Variants in LEMD2 observed in about 807,000 individuals in gnomAD.
The protein encoded by LEMD2 is LEM domain nuclear envelope protein 2, also known as LEM domain-containing protein 2.
In LEMD2, 34 loss-of-function variants were observed where a neutral mutation model predicts 58.8. The observed-to-expected ratio is 0.58, with a 90% CI of 0.44 to 0.77. LEMD2 has a LOEUF of 0.77. Ranked by LOEUF, LEMD2 falls within the 30% of genes least tolerant of loss-of-function variation. LEMD2 has a pLI of 0.00. For missense variants in LEMD2, 629 were observed against 717.9 expected (o/e 0.88, Z 1.42); for synonymous variants, 298 against 308.9 (o/e 0.96, Z 0.37).
chr6:33,788,639 GGGCCGCGAGACCCGGGCCCTGCGT>G lies in LEMD2; in HGVS notation c.454_477del (p.Thr152_Ala159del), dbSNP rs1767743074. 1 of 1,274,256 alleles carries G rather than the reference GGGCCGCGAGACCCGGGCCCTGCGT, an allele frequency of 7.8e-7. No individual in the cohort carries two copies. 78.9% of individuals were successfully genotyped at this position (1,274,256 alleles called of 1,614,324 possible). On this transcript the variant is annotated inframe_deletion, in exon 1 of 9. Coordinates refer to ENST00000293760, the MANE Select transcript of LEMD2 (RefSeq NM_181336.4). ...GCGGGAGACGCTGCCCACCAGCGGC[GGGCCGCGAGACCCGGGCCCTGCGT>G]GGCCCTGTCGGGCGTCCGGGCGTCC...
chr6:33,785,417 T>C (rs1187703471), intron 2 of LEMD2, among the ~76,000 whole-genome samples: 2 of 152,192 alleles, frequency 1.3e-5, no homozygotes, highest in African/African-American at 4.8e-5. Context: ...TGGCAGGTGC[T>C]GAATGCCGTC....
rs1296553385 is a variant in LEMD2 at position 33,777,003 on chromosome 6, A to G, written c.1312T>C (p.Tyr438His). The G allele has an allele frequency of 1.2e-6, 2 of 1,614,164 alleles. No individual in the cohort carries two copies. Among genetic ancestry groups the G allele is most frequent in the Non-Finnish European group, 1.7e-6 (2 of 1,180,024 alleles). ...DWEQDMERYP[Y>H]VGILHVRDSL... The stretch of plus-strand genomic sequence containing the variant: ...TCGCGCACGTGCAGGATGCCTACAT[A>G]TGGATAGCGCTCCATGTCCTGCTCC... Residue 438 changes from tyrosine to histidine, a missense_variant, in exon 8 of 9, where the codon TAT becomes CAT. Transcript: ENST00000293760.
At chr6:33,780,994 A>G (rs923052017) in intron 4 of LEMD2, 83 bp downstream of exon 4, 1 of 954,496 alleles carries the variant, frequency 1.0e-6, no homozygotes, top group Non-Finnish European at 1.6e-6. Context: ...CAAACAAAAA[A>G]CAAAAACCCC....
chr6:33,777,632 G>T (rs1767465381), intron 6 of LEMD2, among the ~76,000 whole-genome samples: 1 of 152,178 alleles, frequency 6.6e-6, no homozygotes, highest in African/African-American at 2.4e-5. Context: ...TGGCACAGGG[G>T]AGGGAGCTGT....
In LEMD2 at chr6:33,772,310, G is replaced by A. The variant is rs1280354260; in HGVS notation, c.*318C>T. 1.9e-5 allele frequency: 4 copies of A among 210,252 alleles called. No individual in the cohort carries two copies. Among genetic ancestry groups the A allele is most frequent in the East Asian group, 1.3e-4 (1 of 7,846 alleles). 13.0% of individuals were successfully genotyped at this position (210,252 alleles called of 1,614,324 possible). On this transcript the variant is annotated 3_prime_UTR_variant, in exon 9 of 9. Coordinates refer to ENST00000293760, the MANE Select transcript of LEMD2 (RefSeq NM_181336.4). ...CCATGCCCCAGCCCACCAGCCCCAC[G>A]CTTGTCAGCTGGGCCTGACAGCTGC...
At chr6:33,777,302 A>T in intron 6 of LEMD2, 63 bp from the exon 7 acceptor site, 1 of 1,102,866 alleles carries the variant, frequency 9.1e-7, no homozygotes, top group East Asian at 2.3e-5. Flanking sequence ...CTCACCATGG[A>T]CAAGATGCTG....
chr6:33,772,555 T>G lies in LEMD2; in HGVS notation c.*73A>C, dbSNP rs1582248433. On this transcript the variant is annotated 3_prime_UTR_variant, in exon 9 of 9. Coordinates refer to ENST00000293760, the MANE Select transcript of LEMD2 (RefSeq NM_181336.4). ...AAGTGTGAATTCAGCACCGCAGGCC[T>G]GGTGACCCTCCTGTGCCTCTGGAGT... 2.1e-6 allele frequency: 3 copies of G among 1,450,064 alleles called. No individual in the cohort carries two copies. The highest frequency in any genetic ancestry group is 1.8e-4 in the Middle Eastern group (1 of 5,566). 89.8% of individuals were successfully genotyped at this position (1,450,064 alleles called of 1,614,324 possible). A position where few individuals can be genotyped will look rare whatever the true frequency, so the allele number is the denominator to read the frequency against.
Position 33,772,270 on chromosome 6 carries a change from G to C in LEMD2, c.*358C>G, listed in dbSNP as rs574111182. 2.2e-5 allele frequency: 4 copies of C among 178,124 alleles called. No individual in the cohort carries two copies. In the South Asian group the frequency reaches 6.0e-4, roughly 27 times the overall value. 11.0% of individuals were successfully genotyped at this position (178,124 alleles called of 1,614,324 possible). ...TCCCTGCCCCACCTCCCAGGTGACAGACTCCCTGGCGTGGCCATGCCCCAG... is the reference window on the plus strand; with the variant it reads ...TCCCTGCCCCACCTCCCAGGTGACACACTCCCTGGCGTGGCCATGCCCCAG... On this transcript the variant is annotated 3_prime_UTR_variant, in exon 9 of 9. Transcript: ENST00000293760.
chr6:33,777,337 C>G lies in LEMD2; in HGVS notation c.1157-98G>C, dbSNP rs1249949493. On this transcript the variant is annotated intron_variant, in intron 6 of 8. Coordinates refer to ENST00000293760, the MANE Select transcript of LEMD2 (RefSeq NM_181336.4). ...GTGATGGATGCTGTGGGGGATCCACCACATGGGTTTGGGTACCTACTATGT... is the reference window on the plus strand; with the variant it reads ...GTGATGGATGCTGTGGGGGATCCACGACATGGGTTTGGGTACCTACTATGT... The G allele has an allele frequency of 3.4e-6, 3 of 876,810 alleles. No individual in the cohort carries two copies. In the African/African-American group the frequency reaches 4.9e-5, roughly 14 times the overall value. 54.3% of individuals were successfully genotyped at this position (876,810 alleles called of 1,614,324 possible).
chr6:33,788,163 AAGG>A (rs1380399893), intron 1 of LEMD2, among the ~76,000 whole-genome samples: 8 of 152,252 alleles, frequency 5.3e-5, no homozygotes, highest in East Asian at 1.9e-4. Context: ...TGGGGCAGAA[AAGG>A]AGAACAGGAG....
chr6:33,788,429 A>C lies in LEMD2; in HGVS notation c.688T>G (p.Trp230Gly), dbSNP rs965203969. The change falls in exon 1 of 9, where the codon TGG becomes GGG. Residue 230 changes from tryptophan (W) to glycine (G), a missense_variant. Transcript: ENST00000293760. The part of the protein sequence containing the change: ...GLLLVFLGIL[W>G]VKMGKPSAPQ... ...GCTGAGGGCTTGCCCATCTTCACCC[A>C]AAGGATGCCCAGGAAGACGAGCAGT... The C allele has an allele frequency of 1.9e-6, 3 of 1,587,256 alleles. No individual in the cohort carries two copies. In the African/African-American group the frequency reaches 4.0e-5, roughly 21 times the overall value.
In LEMD2 at chr6:33,783,225, C is replaced by T. The variant is rs924389973; in HGVS notation, c.853+1127G>A. The stretch of plus-strand genomic sequence containing the variant: ...GAATTGACATCCCAAGCACCTGGGC[C>T]GTACAGAGGAATTCCTATGATGCTG... On this transcript the variant is annotated intron_variant, in intron 3 of 8. Coordinates refer to ENST00000293760, the MANE Select transcript of LEMD2 (RefSeq NM_181336.4). Among the ~76,000 whole-genome samples, 21 of 152,298 alleles carry T rather than the reference C, an allele frequency of 1.4e-4. 1 individual carries two copies. The East Asian group carries it at 2.3e-3, about 17-fold the overall frequency.
At chr6:33,784,477 G>GGGGGGCCCCC in intron 2 of LEMD2, 50 bp from the exon 3 acceptor site, 1 of 430,802 alleles carries the variant, frequency 2.3e-6, no homozygotes, top group Non-Finnish European at 4.8e-6. Context: ...GGTGGGAGGG[G>GGGGGGCCCCC]TCCGTCTGTC....
intron 2 of LEMD2, among the ~76,000 whole-genome samples, chr6:33,785,003 A>C (rs1158122643): frequency 6.6e-6 from 1 of 152,244 alleles, no homozygotes; most frequent in Non-Finnish European, 1.5e-5. Context: ...ACAGGAGGAC[A>C]GACGGTACCA....
chr6:33,772,875 A>C, intron 8 of LEMD2, 97 bp from the exon 9 acceptor site: 6 of 1,123,238 alleles, frequency 5.3e-6, no homozygotes, highest in Non-Finnish European at 7.6e-6. Context: ...AGGCTCTGGC[A>C]TGGAATTTAT....
chr6:33,777,190 T>C lies in LEMD2; in HGVS notation c.1206A>G (p.Arg402=). 1 of 1,614,138 alleles carries C rather than the reference T, an allele frequency of 6.2e-7. No individual in the cohort carries two copies. ...TGGCTTGTTCCTCCTCTTCTAACTT[T>C]CGCCACCGATATTTTAGGAGAATTA... is the stretch of plus-strand genomic sequence containing the variant. ...GLLILLKYRW[R]KLEEEEQAMY... Residue 402 remains arginine (R), a synonymous_variant, in exon 7 of 9, where the codon CGA becomes CGG. Coordinates refer to ENST00000293760, the MANE Select transcript of LEMD2 (RefSeq NM_181336.4).
rs759849590 is a variant in LEMD2 at position 33,777,064 on chromosome 6, A to G, written c.1259-8T>C. ...AATGGTCCTGGACCACGTCTGCAGG[A>G]GAGAGCACACCATTTAGGGCAAGGA... On this transcript the variant is annotated splice_polypyrimidine_tract_variant and splice_region_variant and intron_variant, in intron 7 of 8. Transcript: ENST00000293760. 2 of 1,613,514 alleles carry G rather than the reference A, an allele frequency of 1.2e-6. No individual in the cohort carries two copies. The highest frequency in any genetic ancestry group is 2.2e-5 in the South Asian group (2 of 91,072).
intron 8 of LEMD2, among the ~76,000 whole-genome samples, chr6:33,773,797 G>T (rs1216931644): frequency 6.6e-6 from 1 of 152,246 alleles, no homozygotes; most frequent in Non-Finnish European, 1.5e-5. Flanking sequence ...TCCCAGGCCA[G>T]TTCTTCTCAT....
chr6:33,772,415 C>A lies in LEMD2; in HGVS notation c.*213G>T. On this transcript the variant is annotated 3_prime_UTR_variant, in exon 9 of 9. Coordinates refer to ENST00000293760, the MANE Select transcript of LEMD2 (RefSeq NM_181336.4). ...CAACAGGGCAGAGTCTGGGCTATCA[C>A]CCTGGCTTCTCCCCCTCCCTTTAAA... 2 of 504,126 alleles carry A rather than the reference C, an allele frequency of 4.0e-6. No individual in the cohort carries two copies. Among genetic ancestry groups the A allele is most frequent in the Non-Finnish European group, 7.0e-6 (2 of 284,590 alleles). The allele number at this position is 504,126 out of a possible 1,614,324, so 31.2% of individuals were successfully genotyped here.
Sources: allele counts gnomAD v4.1 joint callset (sites outside exome capture counted in the v4.1 genomes callset), GRCh38; gene constraint gnomAD v4.1.1; transcripts MANE v1.5; gene names NCBI Gene and HGNC (gene_info 2026-07-23, HGNC 2026-07-21).